HDAC9: variants seen among roughly 807,000 people sequenced by gnomAD.
HDAC9 encodes histone deacetylase 9.
Under a neutral mutation model 139.4 loss-of-function variants are expected in HDAC9, and 41 were observed. The observed-to-expected ratio is 0.29, with a 90% CI of 0.23 to 0.38. The LOEUF (loss-of-function observed/expected upper bound fraction) is 0.38, where lower values mean the gene tolerates loss of function less well. Among genes scored for constraint, HDAC9 ranks in the 10% least tolerant of loss-of-function variants. The pLI, the probability that HDAC9 is intolerant of heterozygous loss-of-function variation, is 1.00. For synonymous variants in HDAC9, 517 were observed against 476.2 expected (o/e 1.09, Z -1.12); for missense variants, 1,147 against 1,297.0 (o/e 0.88, Z 1.78).
intron 13 of HDAC9, among the ~76,000 whole-genome samples, chr7:18,728,810 G>C (rs1785780679): frequency 6.6e-6 from 1 of 152,132 alleles, no homozygotes; most frequent in Non-Finnish European, 1.5e-5. Flanking sequence ...ATTAATGAAT[G>C]AAATAGCCAA....
chr7:18,640,787 G>A (rs1218489321), intron 8 of HDAC9, among the ~76,000 whole-genome samples: 1 of 151,950 alleles, frequency 6.6e-6, no homozygotes, highest in Non-Finnish European at 1.5e-5. Context: ...GTCCAATGGT[G>A]TGCTTTCAAT....
chr7:18,617,646 T>A (rs1344955160), intron 6 of HDAC9, among the ~76,000 whole-genome samples: 2 of 152,166 alleles, frequency 1.3e-5, no homozygotes, highest in Admixed American at 1.3e-4. Context: ...CCCTGACATA[T>A]CTCTGTGCAT....
At chr7:18,524,831 G>T (rs1806270787) in intron 2 of HDAC9, among the ~76,000 whole-genome samples, 1 of 145,644 alleles carries the variant, frequency 6.9e-6, no homozygotes, top group South Asian at 2.2e-4. Flanking sequence ...AAAGATTTTG[G>T]GTAGACGATT....
chr7:18,815,266 T>C (rs1585087224), intron 17 of HDAC9, among the ~76,000 whole-genome samples: 1 of 142,154 alleles, frequency 7.0e-6, no homozygotes, highest in Admixed American at 7.4e-5. Context: ...AAATATCTGA[T>C]TTTTTTTTGA....
chr7:18,205,324 A>G (rs1791424498), intron 2 of HDAC9, among the ~76,000 whole-genome samples: 1 of 152,010 alleles, frequency 6.6e-6, no homozygotes, highest in Non-Finnish European at 1.5e-5. Flanking sequence ...CAAATTATTA[A>G]TGCTTGATAA....
intron 2 of HDAC9, among the ~76,000 whole-genome samples, chr7:18,257,593 A>G (rs1297169445): frequency 6.6e-6 from 1 of 152,140 alleles, no homozygotes; most frequent in Non-Finnish European, 1.5e-5. Flanking sequence ...TAGGAGGTTT[A>G]TAAGATTGGC....
intron 2 of HDAC9, among the ~76,000 whole-genome samples, chr7:18,530,322 A>G (rs146477962): frequency 5.1e-4 from 77 of 152,212 alleles, no homozygotes; most frequent in East Asian, 7.7e-4. Context: ...TCTGAAAACA[A>G]TGTCGTTAAC....
intron 2 of HDAC9, among the ~76,000 whole-genome samples, chr7:18,193,579 G>T (rs761946518): frequency 6.6e-6 from 1 of 152,182 alleles, no homozygotes; most frequent in Non-Finnish European, 1.5e-5. Flanking sequence ...ATCTAGAAAT[G>T]TTCCTAATAT....
At chr7:18,676,103 C>A (rs1406765232) in intron 12 of HDAC9, among the ~76,000 whole-genome samples, 1 of 151,998 alleles carries the variant, frequency 6.6e-6, no homozygotes, top group Non-Finnish European at 1.5e-5. Flanking sequence ...CTATTATCAG[C>A]ACCAAAACCA....
At chr7:18,341,214 TTGTG>T (rs143765661) in intron 1 of HDAC9, among the ~76,000 whole-genome samples, 1 of 149,750 alleles carries the variant, frequency 6.7e-6, no homozygotes, top group African/African-American at 2.4e-5. Context: ...TATTCATGTT[TTGTG>T]TGTGTGTGTG....
chr7:18,621,110 A>C lies in HDAC9; in HGVS notation c.665-8240A>C, dbSNP rs150573139. ...ATCCTCATAATGTATTTTTAAAAGA[A>C]TATATAATTGCTTGGGGAAAAACAT... On this transcript the variant is annotated intron_variant, in intron 6 of 25. Transcript: ENST00000686413. 1.8e-3 allele frequency among the ~76,000 whole-genome samples: 278 copies of C among 152,246 alleles called. 9 individuals carry two copies. In the East Asian group the frequency reaches 0.049, roughly 27 times the overall value.
At chr7:18,590,561 TAA>T in intron 4 of HDAC9, 75 bp downstream of exon 4, 1 of 1,427,172 alleles carries the variant, frequency 7.0e-7, no homozygotes, top group Non-Finnish European at 9.5e-7. Context: ...CAAAGCCTGA[TAA>T]AGAGTGCGGT....
chr7:18,529,764 A>C (rs542649307), intron 2 of HDAC9, among the ~76,000 whole-genome samples: 1 of 152,190 alleles, frequency 6.6e-6, no homozygotes, highest in East Asian at 1.9e-4. Flanking sequence ...GGATTCACCA[A>C]TGTTTAAAAT....
At chr7:18,910,415 T>C (rs1802640005) in intron 22 of HDAC9, among the ~76,000 whole-genome samples, 1 of 152,030 alleles carries the variant, frequency 6.6e-6, no homozygotes. Flanking sequence ...TCTTGTAACT[T>C]TACTGAATTT....
At chr7:18,389,616 G>C (rs1387214877) in intron 1 of HDAC9, among the ~76,000 whole-genome samples, 5 of 152,166 alleles carry the variant, frequency 3.3e-5, no homozygotes, top group African/African-American at 9.7e-5. Context: ...GGTAGGAGGA[G>C]AGAAACATTA....
chr7:18,158,705 G>A (rs531771415), intron 1 of HDAC9, among the ~76,000 whole-genome samples: 2 of 152,294 alleles, frequency 1.3e-5, no homozygotes, highest in South Asian at 2.1e-4. Flanking sequence ...GACATATAAA[G>A]CTCTGCTGAC....
At chr7:18,541,871 A>G (rs989399221) in intron 2 of HDAC9, among the ~76,000 whole-genome samples, 1 of 152,214 alleles carries the variant, frequency 6.6e-6, no homozygotes, top group Non-Finnish European at 1.5e-5. Context: ...TGTATTATTT[A>G]TACCAAATCT....
At chr7:18,950,121 A>AT (rs141238107) in intron 23 of HDAC9, among the ~76,000 whole-genome samples, 23,142 of 152,038 alleles carry the variant, frequency 0.15, 1,866 homozygotes, top group Middle Eastern at 0.25. Flanking sequence ...TTAAAGATTA[A>AT]TTTCAATGCC....
chr7:18,738,460 G>A (rs1787132569), intron 13 of HDAC9, among the ~76,000 whole-genome samples: 1 of 152,174 alleles, frequency 6.6e-6, no homozygotes, highest in South Asian at 2.1e-4. Context: ...GCCTGGTATT[G>A]ACAACATTAC....
Sources: gnomAD v4.1 joint callset for allele counts (sites outside exome capture counted in the v4.1 genomes callset) on GRCh38, gnomAD v4.1.1 for gene constraint, MANE v1.5 for transcripts, NCBI Gene and HGNC (gene_info 2026-07-23, HGNC 2026-07-21) for gene names.